Variants in PLCL1 observed in about 807,000 individuals in gnomAD.
PLCL1 encodes inactive phospholipase C-like protein 1.
In PLCL1, 41 loss-of-function variants were observed where a neutral mutation model predicts 84.4. The observed-to-expected ratio is 0.49, with a 90% confidence interval of 0.38 to 0.63. The LOEUF (loss-of-function observed/expected upper bound fraction) is 0.63, where lower values mean the gene tolerates loss of function less well. Ranked by LOEUF, PLCL1 falls within the 30% of genes least tolerant of loss-of-function variation. PLCL1 has a pLI of 0.00. For synonymous variants in PLCL1, 490 were observed against 488.3 expected, an observed-to-expected ratio of 1.00 and a Z score of -0.05; for missense variants, 1,206 against 1,367.8, an observed-to-expected ratio of 0.88 and a Z score of 1.87.
At chr2:197,965,773 C>G (rs1447824073) in intron 1 of PLCL1, among the ~76,000 whole-genome samples, 1 of 152,128 alleles carries the variant, frequency 6.6e-6, no homozygotes, top group East Asian at 1.9e-4. Flanking sequence ...AAAAAATTTT[C>G]AGTTTCCTTC....
chr2:197,906,077 C>A (rs1287830293), intron 1 of PLCL1, among the ~76,000 whole-genome samples: 1 of 152,136 alleles, frequency 6.6e-6, no homozygotes, highest in Non-Finnish European at 1.5e-5. Flanking sequence ...TTAATTAGAT[C>A]CCATTTGTCA....
At chr2:198,075,118 C>T (rs1353320259) in intron 1 of PLCL1, among the ~76,000 whole-genome samples, 1 of 152,006 alleles carries the variant, frequency 6.6e-6, no homozygotes, top group East Asian at 1.9e-4. Context: ...TTAATCCTCA[C>T]ACCAGAAACA....
chr2:197,961,280 G>T (rs1689617284), intron 1 of PLCL1, among the ~76,000 whole-genome samples: 1 of 125,968 alleles, frequency 7.9e-6, no homozygotes, highest in South Asian at 2.4e-4. Context: ...AGCATGCATA[G>T]GTTTTAATGT....
At chr2:197,897,003 A>G (rs990705748) in intron 1 of PLCL1, among the ~76,000 whole-genome samples, 2 of 152,266 alleles carry the variant, frequency 1.3e-5, no homozygotes, top group Non-Finnish European at 2.9e-5. Flanking sequence ...CATTTTCATT[A>G]GAAAACTATA....
chr2:197,943,396 C>G (rs1689201734), intron 1 of PLCL1, among the ~76,000 whole-genome samples: 1 of 151,926 alleles, frequency 6.6e-6, no homozygotes, highest in African/African-American at 2.4e-5. Flanking sequence ...TCTCTTCTCC[C>G]ATTGATTTGT....
rs148952080 is a variant in PLCL1, at chr2:198,119,094, A to G, written c.3105+15158A>G. Among the ~76,000 whole-genome samples the G allele has an allele frequency of 1.1e-3, 170 of 152,128 alleles. 1 individual carries two copies. Among genetic ancestry groups the G allele is most frequent in the African/African-American group, 3.8e-3 (159 of 41,544 alleles). On this transcript the variant is annotated intron_variant, in intron 5 of 5. Coordinates refer to ENST00000428675, the MANE Select transcript of PLCL1 (RefSeq NM_006226.4). ...AAAATGTCAATTGTAACTCAGCTAG[A>G]TCTTAACTTTGATTGGTTTTGACAA...
Position 198,085,101 on chromosome 2 carries a change from A to G in PLCL1, c.1584A>G (p.Pro528=), listed in dbSNP as rs769259052. 1.2e-6 allele frequency: 2 copies of G among 1,614,094 alleles called. No homozygotes were observed. Among genetic ancestry groups the G allele is most frequent in the East Asian group, 2.2e-5 (1 of 44,882 alleles). The change falls in exon 2 of 6, where the codon CCA becomes CCG. Residue 528 remains proline, a synonymous_variant. Transcript: ENST00000428675. The surrounding 1 kb of genome is among the most constrained non-coding windows in gnomAD (Gnocchi z 5.3). ...EAPLPSESYL[P]SPEKLKRMII... ...CTTTGCCCTCAGAATCCTACCTCCC[A>G]TCACCAGAAAAATTAAAAAGAATGA...
intron 1 of PLCL1, among the ~76,000 whole-genome samples, chr2:198,019,332 A>G (rs1469164062): frequency 1.3e-5 from 2 of 152,248 alleles, no homozygotes; most frequent in African/African-American, 4.8e-5. Context: ...CTTATCTTCC[A>G]AAGGATTACA....
At chr2:198,143,257 C>A (rs1009826687) in intron 5 of PLCL1, among the ~76,000 whole-genome samples, 9 of 152,122 alleles carry the variant, frequency 5.9e-5, no homozygotes. Context: ...CAACCTAGAT[C>A]CCTTGCAGGC....
intron 1 of PLCL1, among the ~76,000 whole-genome samples, chr2:197,937,595 C>T (rs1330301505): frequency 6.6e-6 from 1 of 152,190 alleles, no homozygotes; most frequent in Admixed American, 6.5e-5. Flanking sequence ...TCACCAGCTA[C>T]TTCTGTTGAT....
Position 198,029,762 on chromosome 2 carries a change from G to A in PLCL1, c.241-53996G>A, listed in dbSNP as rs1430862836. On this transcript the variant is annotated intron_variant, in intron 1 of 5. Transcript: ENST00000428675. ...AAAAAAGAGGCTGGAATGCAGTGGC[G>A]CAATCTTGGCTCACTACGACTTCTG... is the stretch of plus-strand genomic sequence containing the variant. Among the ~76,000 whole-genome samples the A allele has an allele frequency of 4.0e-5, 6 of 150,842 alleles. 1 individual carries two copies. Among genetic ancestry groups the A allele is most frequent in the Non-Finnish European group, 8.9e-5 (6 of 67,720 alleles).
At chr2:197,932,463 A>G (rs1000169341) in intron 1 of PLCL1, among the ~76,000 whole-genome samples, 24 of 151,970 alleles carry the variant, frequency 1.6e-4, no homozygotes, top group Non-Finnish European at 1.6e-4. Context: ...GTCACCCACC[A>G]CCTAGATTTT....
At chr2:198,051,258 G>C (rs1214367209) in intron 1 of PLCL1, among the ~76,000 whole-genome samples, 1 of 152,010 alleles carries the variant, frequency 6.6e-6, no homozygotes, top group African/African-American at 2.4e-5. Context: ...AAAATATAGA[G>C]GATTGAGAAA....
chr2:197,945,605 C>T (rs920365754), intron 1 of PLCL1, among the ~76,000 whole-genome samples: 1 of 152,154 alleles, frequency 6.6e-6, no homozygotes, highest in African/African-American at 2.4e-5. Context: ...GATTGCTGCT[C>T]TGTCAATTGC....
intron 5 of PLCL1, among the ~76,000 whole-genome samples, chr2:198,115,393 A>G (rs895017621): frequency 6.6e-6 from 1 of 151,812 alleles, no homozygotes; most frequent in Non-Finnish European, 1.5e-5. Context: ...TAAACAAGGG[A>G]GATTCCATGA....
chr2:197,872,608 G>A (rs1473652375), intron 1 of PLCL1, among the ~76,000 whole-genome samples: 1 of 152,114 alleles, frequency 6.6e-6, no homozygotes, highest in Admixed American at 6.6e-5. Flanking sequence ...TTTCCCATCT[G>A]ATGAATGGGG....
At chr2:197,917,241 A>G (rs1297700754) in intron 1 of PLCL1, among the ~76,000 whole-genome samples, 3 of 152,240 alleles carry the variant, frequency 2.0e-5, no homozygotes, top group Non-Finnish European at 2.9e-5. Context: ...TGAAAACTAG[A>G]AACAACAAAA....
At chr2:197,844,424 C>G (rs1186228448) in intron 1 of PLCL1, among the ~76,000 whole-genome samples, 1 of 152,064 alleles carries the variant, frequency 6.6e-6, no homozygotes, top group Non-Finnish European at 1.5e-5. Flanking sequence ...TGAGATTTAC[C>G]TGTATTTTTG....
chr2:198,063,449 GCTAA>G (rs1230013655), intron 1 of PLCL1, among the ~76,000 whole-genome samples: 1 of 152,096 alleles, frequency 6.6e-6, no homozygotes, highest in East Asian at 1.9e-4. Context: ...TAAAAGTCAA[GCTAA>G]CTGTTTACTT....
Sources: gnomAD v4.1 joint callset for allele counts (sites outside exome capture counted in the v4.1 genomes callset) on GRCh38, gnomAD v4.1.1 for gene constraint, Gnocchi (gnomAD v3.1) non-coding constraint, MANE v1.5 for transcripts, NCBI Gene and HGNC (gene_info 2026-07-23, HGNC 2026-07-21) for gene names.